The following SEMA4A variants were observed in gnomAD, a reference collection of about 807,000 sequenced individuals.
SEMA4A encodes semaphorin-4A.
A neutral mutation model predicts 72.5 loss-of-function variants in SEMA4A; 52 were observed. The ratio of observed to expected loss-of-function variants is 0.72; its 90% CI spans 0.57 to 0.90. The LOEUF (loss-of-function observed/expected upper bound fraction) is 0.90, where lower values mean the gene tolerates loss of function less well. Ranked by LOEUF, SEMA4A falls within the 40% of genes least tolerant of loss-of-function variation. SEMA4A has a pLI of 0.00. For synonymous variants in SEMA4A, 369 were observed against 393.1 expected (o/e 0.94, Z 0.73); for missense variants, 926 against 959.7 (o/e 0.96, Z 0.46).
chr1:156,175,463 A>G, intron 13 of SEMA4A, 93 bp from the exon 14 acceptor site: 1 of 1,166,224 alleles, frequency 8.6e-7, no homozygotes, highest in Non-Finnish European at 1.3e-6. Flanking sequence ...CCCCTGGCCT[A>G]CCTTCTTCCC....
upstream of SEMA4A, among the ~76,000 whole-genome samples, chr1:156,150,535 T>C (rs552881568): frequency 6.6e-6 from 1 of 151,998 alleles, no homozygotes; most frequent in East Asian, 1.9e-4. Flanking sequence ...CCCCTGAAGC[T>C]GAAAGGGAGG....
intron 11 of SEMA4A, among the ~76,000 whole-genome samples, chr1:156,174,191 A>G (rs1465680719): frequency 1.3e-5 from 2 of 152,236 alleles, no homozygotes; most frequent in Non-Finnish European, 2.9e-5. Context: ...CAGACTGCTC[A>G]GGCAGGATAA....
At position 156,176,579 on chromosome 1, in the gene SEMA4A, A is replaced by G. The variant is rs1655357820; in HGVS notation, c.1868A>G (p.Gln623Arg). The change falls in exon 15 of 15, where the codon CAG becomes CGG. Residue 623 changes from glutamine (Q) to arginine (R), a missense_variant. Gln to Arg is a conservative substitution (Grantham distance 43). Transcript: ENST00000368285. Reference protein sequence around the residue: ...IVQDGVGGLYQCWATENGFSY... With the variant: ...IVQDGVGGLYRCWATENGFSY... ...CAGGATGGAGTTGGGGGTCTCTACC[A>G]GTGCTGGGCAACTGAGAATGGCTTT... 6.2e-7 allele frequency: 1 copy of G among 1,614,022 alleles called. No individual in the cohort carries two copies. The highest frequency in any genetic ancestry group is 1.3e-5 in the African/African-American group (1 of 74,906).
At chr1:156,174,967 G>A in intron 12 of SEMA4A, 27 bp downstream of exon 12, 1 of 1,614,212 alleles carries the variant, frequency 6.2e-7, no homozygotes, top group East Asian at 2.2e-5. Context: ...CCATCAAATG[G>A]CCTTCCAGTG....
chr1:156,156,304 G>A, intron 2 of SEMA4A, 110 bp from the exon 3 acceptor site: 1 of 993,436 alleles, frequency 1.0e-6, no homozygotes, highest in Non-Finnish European at 1.6e-6. Context: ...AGCTGCCAAG[G>A]CCTGGGGAGC....
intron 9 of SEMA4A, among the ~76,000 whole-genome samples, chr1:156,162,407 G>A (rs1260530731): frequency 1.3e-5 from 2 of 152,242 alleles, no homozygotes; most frequent in African/African-American, 4.8e-5. Context: ...GGGGTAAGTG[G>A]GATCTGGTAT....
At chr1:156,147,610 G>A (rs534725079), upstream of SEMA4A, among the ~76,000 whole-genome samples, 4 of 152,032 alleles carry the variant, frequency 2.6e-5, no homozygotes, top group East Asian at 7.7e-4. Flanking sequence ...ATCTTGAGGG[G>A]CATATCCTAA....
At position 156,161,416 on chromosome 1, in the gene SEMA4A, C is replaced by G; in HGVS notation, c.881C>G (p.Thr294Ser). Residue 294 changes from threonine (T) to serine (S), a missense_variant, in exon 9 of 15, where the codon ACC becomes AGC. Transcript: ENST00000368285. ...TTCCTGAAGGCCCAGCTGCTCTGCA[C>G]CCAGCCGGGGCAGCTGCCCTTCAAC... ...TTFLKAQLLC[T>S]QPGQLPFNVI... 1 of 1,613,962 alleles carries G rather than the reference C, an allele frequency of 6.2e-7. No individual in the cohort carries two copies. Among genetic ancestry groups the G allele is most frequent in the Non-Finnish European group, 8.5e-7 (1 of 1,179,916 alleles).
At chr1:156,170,668 G>T (rs1324886541) in intron 10 of SEMA4A, among the ~76,000 whole-genome samples, 1 of 151,606 alleles carries the variant, frequency 6.6e-6, no homozygotes, top group South Asian at 2.1e-4. Context: ...GCAGGCGAAT[G>T]GGGTGAACCC....
chr1:156,162,609 G>A (rs1428863657), intron 9 of SEMA4A, among the ~76,000 whole-genome samples: 2 of 152,262 alleles, frequency 1.3e-5, no homozygotes, highest in African/African-American at 4.8e-5. Flanking sequence ...AGCCAGGCTA[G>A]AGCTGGTTAC....
chr1:156,176,784 T>C lies in SEMA4A; in HGVS notation c.2073T>C (p.Phe691=), dbSNP rs1655383089. ...ACTTTGTCACTGTCACTGTCCTCTT[T>C]GCCTTAGTGCTTTCAGGAGCCCTCA... The part of the protein sequence containing the change: ...WPHFVTVTVL[F]ALVLSGALII... Residue 691 remains phenylalanine (F), a synonymous_variant, in exon 15 of 15, where the codon TTT becomes TTC. Transcript: ENST00000368285. 6.2e-7 allele frequency: 1 copy of C among 1,613,174 alleles called. No individual in the cohort carries two copies. Among genetic ancestry groups the C allele is most frequent in the Non-Finnish European group, 8.5e-7 (1 of 1,179,278 alleles).
chr1:156,174,705 C>T (rs1174166691), intron 11 of SEMA4A, 117 bp from the exon 12 acceptor site: 20 of 1,221,868 alleles, frequency 1.6e-5, no homozygotes, highest in African/African-American at 4.4e-5. Context: ...GGCTGACCCG[C>T]GCCCAGTACA....
chr1:156,152,663 G>C (rs1265423337), upstream of SEMA4A, among the ~76,000 whole-genome samples: 1 of 152,140 alleles, frequency 6.6e-6, no homozygotes, highest in African/African-American at 2.4e-5. Flanking sequence ...AGAAGGCTGA[G>C]TACCTCAGAT....
chr1:156,163,694 C>A (rs1653890838), intron 10 of SEMA4A, among the ~76,000 whole-genome samples: 1 of 124,608 alleles, frequency 8.0e-6, no homozygotes, highest in African/African-American at 3.0e-5. Flanking sequence ...GCACTCCAGC[C>A]TGGGTGAAAG....
chr1:156,169,966 A>G (rs1015668745), intron 10 of SEMA4A, among the ~76,000 whole-genome samples: 6 of 151,600 alleles, frequency 4.0e-5, no homozygotes, highest in African/African-American at 1.4e-4. Context: ...TGGAGGTTGC[A>G]GTGAGCCGAG....
At chr1:156,175,015 G>A (rs997113525) in intron 12 of SEMA4A, 71 bp from the exon 13 acceptor site, 32 of 1,614,008 alleles carry the variant, frequency 2.0e-5, no homozygotes, top group Non-Finnish European at 2.6e-5. Flanking sequence ...GGCTCCCTGG[G>A]CCTGCACCAG....
chr1:156,160,414 G>A lies in SEMA4A; in HGVS notation c.569-29G>A, dbSNP rs764286415. 7 of 1,565,160 alleles carry A rather than the reference G, an allele frequency of 4.5e-6. No homozygotes were observed. The South Asian group carries it at 7.8e-5, about 17-fold the overall frequency. Reference sequence around the variant, plus strand: ...GGCAGAGGAACCCTCCACCCCATCAGTTCTCTCTTCTCCTCTCCTCCACCC... The same window carrying A: ...GGCAGAGGAACCCTCCACCCCATCAATTCTCTCTTCTCCTCTCCTCCACCC... On this transcript the variant is annotated intron_variant, in intron 6 of 14. Transcript: ENST00000368285.
Position 156,160,423 on chromosome 1 carries a change from TCTC to T in SEMA4A, c.569-16_569-14del, listed in dbSNP as rs745337542. On this transcript the variant is annotated splice_polypyrimidine_tract_variant and intron_variant, in intron 6 of 14. Coordinates refer to ENST00000368285, the MANE Select transcript of SEMA4A (RefSeq NM_022367.4). ...ACCCTCCACCCCATCAGTTCTCTCTTCTCCTCTCCTCCACCCTAGATGGGATGC... is the reference window on the plus strand; with the variant it reads ...ACCCTCCACCCCATCAGTTCTCTCTTCTCTCCTCCACCCTAGATGGGATGC... The T allele has an allele frequency of 7.6e-6, 12 of 1,586,300 alleles. No homozygotes were observed. Among genetic ancestry groups the T allele is most frequent in the African/African-American group, 6.7e-5 (5 of 74,196 alleles).
At chr1:156,159,389 C>G (rs951109138) in intron 6 of SEMA4A, among the ~76,000 whole-genome samples, 4 of 152,082 alleles carry the variant, frequency 2.6e-5, no homozygotes, top group Admixed American at 2.0e-4. Context: ...AAGCCAGAAG[C>G]CTCAGAACAC....
Sources: gnomAD v4.1 joint callset for allele counts (sites outside exome capture counted in the v4.1 genomes callset) on GRCh38, gnomAD v4.1.1 for gene constraint, MANE v1.5 for transcripts, NCBI Gene and HGNC (gene_info 2026-07-23, HGNC 2026-07-21) for gene names.